Variants in FMN1 observed in about 807,000 individuals in gnomAD.
FMN1 encodes formin 1.
A neutral mutation model predicts 132.4 loss-of-function variants in FMN1; 110 were observed. The observed-to-expected ratio is 0.83, with a 90% CI of 0.71 to 0.97. FMN1 has a LOEUF of 0.97. Ranked by LOEUF, FMN1 falls within the 50% of genes least tolerant of loss-of-function variation. The pLI is 0.00. For synonymous variants in FMN1, 722 were observed against 651.7 expected, an observed-to-expected ratio of 1.11 and a Z score of -1.64; for missense variants, 1,792 against 1,705.3, an observed-to-expected ratio of 1.05 and a Z score of -0.90.
chr15:33,086,456 T>C (rs1324583098), intron 5 of FMN1, among the ~76,000 whole-genome samples: 2 of 152,060 alleles, frequency 1.3e-5, no homozygotes, highest in Non-Finnish European at 2.9e-5. Flanking sequence ...AAATTTTCTA[T>C]AAGGATTGTG....
chr15:32,821,298 T>C (rs761078498), intron 17 of FMN1, among the ~76,000 whole-genome samples: 1 of 152,048 alleles, frequency 6.6e-6, no homozygotes, highest in Non-Finnish European at 1.5e-5. Context: ...CTCATATTTA[T>C]TTTGTACTTT....
chr15:33,171,164 A>G lies in FMN1; in HGVS notation c.-132+9034T>C, dbSNP rs191782978. 8.5e-4 allele frequency among the ~76,000 whole-genome samples: 129 copies of G among 152,302 alleles called. 1 individual carries two copies. The highest frequency in any genetic ancestry group is 8.4e-3 in the Admixed American group (129 of 15,294). ...TTCAGTCATATGTGGGAGCTAAAAA[A>G]TTGATATCATGTAAGTAGAGAGCAG... On this transcript the variant is annotated intron_variant, in intron 3 of 20. Coordinates refer to ENST00000616417, the MANE Select transcript of FMN1 (RefSeq NM_001277313.2).
Position 33,153,849 on chromosome 15 carries a change from T to A in FMN1, c.1066A>T (p.Ile356Phe). Residue 356 changes from isoleucine to phenylalanine, a missense_variant, in exon 4 of 21, where the codon ATT (isoleucine) becomes TTT (phenylalanine). By Grantham distance (21) the Ile-to-Phe change is conservative (BLOSUM62 0). This residue lies in a region of FMN1 where 638 missense variants were observed against 645.2 expected (regional missense o/e 0.99). Transcript: ENST00000616417. ...THSKGKETIAIRPAAHAEFVP... is the reference protein window; with the variant it reads ...THSKGKETIAFRPAAHAEFVP... ...AACTCAGCGTGGGCTGCTGGGCGAA[T>A]GGCAATCGTCTCCTTACCCTTAGAA... is the stretch of plus-strand genomic sequence containing the variant. The A allele has an allele frequency of 6.5e-7, 1 of 1,536,630 alleles. No homozygotes were observed. The highest frequency in any genetic ancestry group is 1.2e-5 in the South Asian group (1 of 84,056).
intron 13 of FMN1, among the ~76,000 whole-genome samples, chr15:32,900,442 A>G (rs545868658): frequency 6.6e-6 from 1 of 152,202 alleles, no homozygotes; most frequent in South Asian, 2.1e-4. Context: ...AAGTTGTAAA[A>G]AGGGAGTTGG....
chr15:33,178,972 T>C (rs1965607062), intron 3 of FMN1, among the ~76,000 whole-genome samples: 2 of 152,336 alleles, frequency 1.3e-5, no homozygotes, highest in Middle Eastern at 3.4e-3. Flanking sequence ...TAAAATGTAA[T>C]TATCTAAAGA....
chr15:33,165,922 GGTT>G (rs771662231), intron 3 of FMN1, among the ~76,000 whole-genome samples: 2 of 152,168 alleles, frequency 1.3e-5, no homozygotes, highest in Admixed American at 6.5e-5. Context: ...CCTATTTTTT[GGTT>G]GTTGTTGTTA....
intron 4 of FMN1, among the ~76,000 whole-genome samples, chr15:33,101,336 C>T (rs924524466): frequency 1.3e-5 from 2 of 152,106 alleles, no homozygotes; most frequent in African/African-American, 4.8e-5. Context: ...TCAAACTATA[C>T]TTACCTACAT....
chr15:33,114,463 C>T (rs1595501875), intron 4 of FMN1, among the ~76,000 whole-genome samples: 1 of 152,284 alleles, frequency 6.6e-6, no homozygotes, highest in South Asian at 2.1e-4. Context: ...AATGTGTGGC[C>T]AGTGGATTCC....
chr15:33,038,873 T>C (rs1459179939), intron 6 of FMN1, among the ~76,000 whole-genome samples: 1 of 152,154 alleles, frequency 6.6e-6, no homozygotes, highest in African/African-American at 2.4e-5. Flanking sequence ...TTATCCAGGG[T>C]TCCACGATTT....
In FMN1 at chr15:32,766,757, G is replaced by A. The variant is rs2056062404; in HGVS notation, c.*7553C>T. ...TGTGAGAGGATGGAGGAGGGGCCAA[G>A]GGAGCTACTCAGTTGTCTATGATGC... is the stretch of plus-strand genomic sequence containing the variant. On this transcript the variant is annotated 3_prime_UTR_variant, in exon 21 of 21. Transcript: ENST00000616417. The A allele has an allele frequency of 1.3e-5, 2 of 152,104 alleles. No individual in the cohort carries two copies. Among genetic ancestry groups the A allele is most frequent in the African/African-American group, 2.4e-5 (1 of 41,390 alleles). 9.4% of individuals were successfully genotyped at this position (152,104 alleles called of 1,614,324 possible). A position where few individuals can be genotyped will look rare whatever the true frequency, so the allele number is the denominator to read the frequency against.
chr15:33,030,640 A>C (rs1013156571), intron 6 of FMN1, among the ~76,000 whole-genome samples: 1 of 152,224 alleles, frequency 6.6e-6, no homozygotes, highest in African/African-American at 2.4e-5. Context: ...TTCTTCATAT[A>C]CAAGAACACC....
intron 17 of FMN1, among the ~76,000 whole-genome samples, chr15:32,829,844 G>C (rs1321069517): frequency 1.3e-5 from 2 of 152,140 alleles, no homozygotes; most frequent in African/African-American, 4.8e-5. Flanking sequence ...CAAGTTGTGA[G>C]ACCTCAGTAG....
chr15:32,795,741 G>A (rs1279408773), intron 19 of FMN1, among the ~76,000 whole-genome samples: 6 of 152,258 alleles, frequency 3.9e-5, no homozygotes, highest in Admixed American at 6.5e-5. Flanking sequence ...TGATACCAGG[G>A]GCAGCACGAT....
rs71113479 is a variant in FMN1 at position 32,848,977 on chromosome 15, GTTTT to G, written c.3928+8034_3928+8037del. Among the ~76,000 whole-genome samples the G allele has an allele frequency of 5.7e-4, 51 of 89,572 alleles. No homozygotes were observed. In the South Asian group the frequency reaches 5.9e-3, roughly 10 times the overall value. 58.8% of individuals were successfully genotyped at this position (89,572 alleles called of 152,430 possible). A position where few individuals can be genotyped will look rare whatever the true frequency, so the allele number is the denominator to read the frequency against. On this transcript the variant is annotated intron_variant, in intron 17 of 20. Transcript: ENST00000616417. Reference sequence around the variant, plus strand: ...ATCAGTCTTGGGTTAGTTCTCTTTTGTTTTTTTTTTTTTTTTTTTTTTCAGAGAC... The same window carrying G: ...ATCAGTCTTGGGTTAGTTCTCTTTTGTTTTTTTTTTTTTTTTTTCAGAGAC...
intron 17 of FMN1, among the ~76,000 whole-genome samples, chr15:32,831,604 A>G (rs2058503784): frequency 6.6e-6 from 1 of 152,162 alleles, no homozygotes; most frequent in South Asian, 2.1e-4. Context: ...CAGGGAGGCA[A>G]TCATGAGACT....
intron 16 of FMN1, among the ~76,000 whole-genome samples, chr15:32,871,573 C>T (rs2059518176): frequency 6.6e-6 from 1 of 152,024 alleles, no homozygotes; most frequent in African/African-American, 2.4e-5. Context: ...ACATCTGTGT[C>T]CATACAAACT....
chr15:33,035,977 T>C (rs576632737), intron 6 of FMN1, among the ~76,000 whole-genome samples: 1 of 152,156 alleles, frequency 6.6e-6, no homozygotes, highest in African/African-American at 2.4e-5. Flanking sequence ...TGTGTTTGCA[T>C]GTTAGCACAC....
chr15:33,044,063 C>T lies in FMN1; in HGVS notation c.2161+20894G>A, dbSNP rs193223709. Reference sequence around the variant, plus strand: ...CTCAGTGCACAGTTGAGACCAAGCCCAGGCATTGTCATAACCTAGTTGGGT... The same window carrying T: ...CTCAGTGCACAGTTGAGACCAAGCCTAGGCATTGTCATAACCTAGTTGGGT... On this transcript the variant is annotated intron_variant, in intron 6 of 20. Transcript: ENST00000616417. 2.1e-3 allele frequency among the ~76,000 whole-genome samples: 313 copies of T among 152,284 alleles called. 2 individuals are homozygous for T. The highest frequency in any genetic ancestry group is 7.0e-3 in the African/African-American group (292 of 41,552).
At chr15:32,959,334 C>T (rs1200728267) in intron 9 of FMN1, among the ~76,000 whole-genome samples, 1 of 152,202 alleles carries the variant, frequency 6.6e-6, no homozygotes, top group East Asian at 1.9e-4. Context: ...ACATCTGACT[C>T]TCAGAAGAGA....
Sources: allele counts gnomAD v4.1 joint callset (sites outside exome capture counted in the v4.1 genomes callset), GRCh38; gene constraint gnomAD v4.1.1; regional missense constraint gnomAD v4.1.1; transcripts MANE v1.5; gene names NCBI Gene and HGNC (gene_info 2026-07-23, HGNC 2026-07-21).